Variants in PCDHA1 observed in about 807,000 individuals in gnomAD.
PCDHA1 encodes protocadherin alpha-1.
A neutral mutation model predicts 61.3 loss-of-function variants in PCDHA1; 42 were observed. The observed-to-expected ratio is 0.69, with a 90% CI of 0.54 to 0.89. PCDHA1 has a LOEUF of 0.89. Among genes scored for constraint, PCDHA1 ranks in the 40% least tolerant of loss-of-function variants. The probability of loss-of-function intolerance (pLI) is 0.00; values close to 1 mark genes in which losing one functional copy is unlikely to be tolerated. For missense variants in PCDHA1, 1,256 were observed against 1,235.3 expected, an observed-to-expected ratio of 1.02 and a Z score of -0.25; for synonymous variants, 610 against 553.8, an observed-to-expected ratio of 1.10 and a Z score of -1.43.
At chr5:140,902,974 A>T (rs1291767760) in intron 1 of PCDHA1, among the ~76,000 whole-genome samples, 1 of 152,178 alleles carries the variant, frequency 6.6e-6, no homozygotes, top group African/African-American at 2.4e-5. Context: ...ATGGGCATTT[A>T]GGTTGGTTCC....
chr5:140,862,903 C>T lies in PCDHA1; in HGVS notation c.2394+74219C>T, dbSNP rs7714617. 5.0e-3 allele frequency: 2,780 copies of T among 551,318 alleles called. 56 individuals are homozygous for T. Among genetic ancestry groups the T allele is most frequent in the African/African-American group, 0.05 (2,518 of 50,680 alleles). 34.2% of individuals were successfully genotyped at this position (551,318 alleles called of 1,614,324 possible). ...TGCTGGAACGACAACTTTGTCTGCG[C>T]TGCTGGCGCCTTGGGTGGGCTGGCG... On this transcript the variant is annotated intron_variant, in intron 1 of 3. Transcript: ENST00000504120.
At chr5:140,875,028 G>A (rs1321534427) in intron 1 of PCDHA1, among the ~76,000 whole-genome samples, 1 of 152,198 alleles carries the variant, frequency 6.6e-6, no homozygotes, top group Admixed American at 6.5e-5. Flanking sequence ...CTGGCCTACT[G>A]TATTTGAAAG....
intron 1 of PCDHA1, chr5:140,823,937 G>T (rs2150130560): frequency 6.2e-7 from 1 of 1,613,788 alleles, no homozygotes; most frequent in African/African-American, 1.3e-5. Flanking sequence ...ACCGCGCTGC[G>T]GTGCTCGGCG....
intron 1 of PCDHA1, chr5:140,877,670 C>T: frequency 6.8e-6 from 11 of 1,613,654 alleles, no homozygotes; most frequent in Non-Finnish European, 7.6e-6. Flanking sequence ...AGCCGGTGCG[C>T]GCCGGGCAAG....
intron 1 of PCDHA1, chr5:140,927,440 C>T (rs782460713): frequency 3.7e-6 from 6 of 1,614,050 alleles, no homozygotes; most frequent in Admixed American, 3.3e-5. Context: ...AGCGAATACC[C>T]GGAGTTGGTG....
At chr5:140,816,507 T>TTGTG (rs2126672374) in intron 1 of PCDHA1, 29,348 of 149,446 alleles carry the variant, frequency 0.2, 2,964 homozygotes, top group Middle Eastern at 0.24. Flanking sequence ...GGAGGTGTGT[T>TTGTG]TGTGTGTGTG....
chr5:140,917,999 A>T (rs1292582356), intron 1 of PCDHA1, among the ~76,000 whole-genome samples: 2 of 152,162 alleles, frequency 1.3e-5, no homozygotes, highest in African/African-American at 4.8e-5. Context: ...GGTTATCTTA[A>T]CAATGTTGTT....
chr5:140,823,197 CA>C (rs2150123316), intron 1 of PCDHA1: 69 of 1,613,746 alleles, frequency 4.3e-5, no homozygotes, highest in Non-Finnish European at 5.6e-5. Context: ...GCCACATCTT[CA>C]CGGTGTCTGC....
In PCDHA1 at chr5:140,794,977, A is replaced by T. The variant is rs555371032; in HGVS notation, c.2394+6293A>T. 3 of 1,610,368 alleles carry T rather than the reference A, an allele frequency of 1.9e-6. No homozygotes were observed. In the South Asian group the frequency reaches 3.3e-5, roughly 18 times the overall value. ...TTGAGGATTGGTAATGGCGTCTTCTATCAGAAGGGGCCGAGGGGCCTGGAC... is the reference window on the plus strand; with the variant it reads ...TTGAGGATTGGTAATGGCGTCTTCTTTCAGAAGGGGCCGAGGGGCCTGGAC... On this transcript the variant is annotated intron_variant, in intron 1 of 3. Coordinates refer to ENST00000504120, the MANE Select transcript of PCDHA1 (RefSeq NM_018900.4).
In PCDHA1 at chr5:140,829,866, C is replaced by A. The variant is rs180987045; in HGVS notation, c.2394+41182C>A. On this transcript the variant is annotated intron_variant, in intron 1 of 3. Transcript: ENST00000504120. ...TCACTGGGTGCAGGCCAAGTGGTGG[C>A]GAAGGTGCGCGCAGTTGACGCCGAC... 5 of 1,613,774 alleles carry A rather than the reference C, an allele frequency of 3.1e-6. 1 individual carries two copies. The Admixed American group carries it at 6.7e-5, about 22-fold the overall frequency.
At chr5:140,850,702 AGCCGAC>A (rs2150495011) in intron 1 of PCDHA1, 2 of 1,598,050 alleles carry the variant, frequency 1.3e-6, no homozygotes, top group Non-Finnish European at 1.7e-6. Flanking sequence ...GCGCCTGGCA[AGCCGAC>A]GCTGGTGTGT....
chr5:140,917,294 G>A (rs1369973116), intron 1 of PCDHA1, among the ~76,000 whole-genome samples: 2 of 143,498 alleles, frequency 1.4e-5, no homozygotes, highest in Non-Finnish European at 3.0e-5. Flanking sequence ...TCCGTGTGCA[G>A]ATAGTTGTTA....
chr5:140,988,526 G>C (rs1330767394), intron 3 of PCDHA1, among the ~76,000 whole-genome samples: 2 of 152,088 alleles, frequency 1.3e-5, no homozygotes, highest in Admixed American at 1.3e-4. Flanking sequence ...GTCTCTGCTG[G>C]CTCCATCCAT....
At chr5:140,800,088 A>C (rs187224509) in intron 1 of PCDHA1, among the ~76,000 whole-genome samples, 1 of 152,180 alleles carries the variant, frequency 6.6e-6, no homozygotes, top group South Asian at 2.1e-4. Context: ...CTAGAAATTC[A>C]TCAGGAGTGG....
In PCDHA1 at chr5:140,986,535, G is replaced by A. The variant is rs552843991; in HGVS notation, c.2542+3972G>A. Among the ~76,000 whole-genome samples, 134 of 152,300 alleles carry A rather than the reference G, an allele frequency of 8.8e-4. 1 individual carries two copies. Among genetic ancestry groups the A allele is most frequent in the Non-Finnish European group, 1.4e-3 (98 of 68,024 alleles). Reference sequence around the variant, plus strand: ...CCCTGCCTGTGAGGGAACTGGCCTGGCTTCAGTGGGCCAGGCTGCTTTGTT... The same window carrying A: ...CCCTGCCTGTGAGGGAACTGGCCTGACTTCAGTGGGCCAGGCTGCTTTGTT... On this transcript the variant is annotated intron_variant, in intron 3 of 3. Transcript: ENST00000504120.
intron 1 of PCDHA1, among the ~76,000 whole-genome samples, chr5:140,838,146 C>T (rs1775571297): frequency 2.0e-5 from 3 of 149,200 alleles, no homozygotes; most frequent in Non-Finnish European, 4.5e-5. Flanking sequence ...CAGAGTTTTA[C>T]TCTGTCGCCC....
chr5:140,850,511 C>T (rs2150486900), intron 1 of PCDHA1: 2 of 1,598,036 alleles, frequency 1.3e-6, no homozygotes, highest in East Asian at 2.2e-5. Context: ...TGGTGGAGAG[C>T]GGCCAGGCGC....
At chr5:140,852,630 T>C in intron 1 of PCDHA1, 1 of 954,540 alleles carries the variant, frequency 1.0e-6, no homozygotes, top group Non-Finnish European at 1.3e-6. Context: ...GTCTCTGAGC[T>C]CCTGTCATTA....
intron 3 of PCDHA1, among the ~76,000 whole-genome samples, chr5:140,986,174 A>G (rs896771813): frequency 1.3e-5 from 2 of 152,238 alleles, no homozygotes; most frequent in Admixed American, 6.5e-5. Flanking sequence ...CAGGATAAAC[A>G]AGTCAGGCAT....
Sources: allele counts gnomAD v4.1 joint callset (sites outside exome capture counted in the v4.1 genomes callset), GRCh38; gene constraint gnomAD v4.1.1; transcripts MANE v1.5; gene names NCBI Gene and HGNC (gene_info 2026-07-23, HGNC 2026-07-21).